The following PPEF1 variants were observed in gnomAD, a reference collection of about 807,000 sequenced individuals.
PPEF1 encodes the protein serine/threonine-protein phosphatase with EF-hands 1.
Under a neutral mutation model 53.3 loss-of-function variants are expected in PPEF1, and 12 were observed. The ratio of observed to expected loss-of-function variants is 0.23; its 90% CI spans 0.14 to 0.36. PPEF1 has a LOEUF of 0.36. Ranked by LOEUF, PPEF1 falls within the 10% of genes least tolerant of loss-of-function variation. The pLI, the probability that PPEF1 is intolerant of heterozygous loss-of-function variation, is 1.00. For synonymous variants in PPEF1, 165 were observed against 176.7 expected (o/e 0.93, Z 0.52); for missense variants, 334 against 490.4 (o/e 0.68, Z 3.01).
In PPEF1 at chrX:18,821,670, C is replaced by A. The variant is rs369490920; in HGVS notation, c.1502-2253C>A. Reference sequence around the variant, plus strand: ...TAGGTGATCCACCTGCCTTGGCCCCCCAAAGTGCTGTGATTACAGGCATGA... The same window carrying A: ...TAGGTGATCCACCTGCCTTGGCCCCACAAAGTGCTGTGATTACAGGCATGA... On this transcript the variant is annotated intron_variant, in intron 13 of 15. Transcript: ENST00000470157. Among the ~76,000 whole-genome samples, 3 of 109,726 alleles carry A rather than the reference C, an allele frequency of 2.7e-5. No homozygotes were observed. The East Asian group carries it at 8.7e-4, about 32-fold the overall frequency.
chrX:18,770,546 C>T (rs2045854124), intron 6 of PPEF1, among the ~76,000 whole-genome samples: 1 of 111,507 alleles, frequency 9.0e-6, no homozygotes, highest in Non-Finnish European at 1.9e-5. Flanking sequence ...TGAAGAAAAT[C>T]TTGAAGATTT....
chrX:18,782,333 C>T, intron 7 of PPEF1, 33 bp from the exon 8 acceptor site: 1 of 1,121,878 alleles, frequency 8.9e-7, no homozygotes, highest in Non-Finnish European at 1.2e-6. Flanking sequence ...GCGTTATCAA[C>T]AATCAAATCA....
chrX:18,826,951 G>A (rs962788451), intron 15 of PPEF1, among the ~76,000 whole-genome samples: 2 of 110,564 alleles, frequency 1.8e-5, no homozygotes, highest in African/African-American at 6.6e-5. Flanking sequence ...CCTCCTCTCT[G>A]CCCTCCTTCC....
chrX:18,718,804 C>T (rs945192765), intron 1 of PPEF1, among the ~76,000 whole-genome samples: 11 of 111,985 alleles, frequency 9.8e-5, no homozygotes, highest in Non-Finnish European at 1.5e-4. Flanking sequence ...CCCTCAGCCC[C>T]AATTGCCAGT....
chrX:18,789,204 T>C lies in PPEF1; in HGVS notation c.996T>C (p.Phe332=). The C allele has an allele frequency of 8.3e-7, 1 of 1,210,667 alleles. No homozygotes were observed. The part of the protein sequence containing the change: ...DSKHNKVGVT[F]NAHGRIKTNG... ...AGCACAATAAAGTAGGTGTGACTTT[T>C]AATGCACATGGAAGAATCAAAACAA... Residue 332 remains phenylalanine, a synonymous_variant, in exon 10 of 16, where the codon TTT becomes TTC. Transcript: ENST00000470157.
upstream of PPEF1, among the ~76,000 whole-genome samples, chrX:18,680,412 A>G (rs1363001219): frequency 1.0e-5 from 1 of 99,890 alleles, no homozygotes; most frequent in East Asian, 3.2e-4. Context: ...TTTTCTCTGC[A>G]GCACTAAATT....
upstream of PPEF1, among the ~76,000 whole-genome samples, chrX:18,681,444 T>G (rs778873878): frequency 1.3e-4 from 14 of 111,801 alleles, no homozygotes; most frequent in Non-Finnish European, 2.4e-4. Context: ...TGAATATGTC[T>G]TGAAAACAAT....
At chrX:18,735,990 T>C (rs947270840) in intron 3 of PPEF1, among the ~76,000 whole-genome samples, 5 of 112,083 alleles carry the variant, frequency 4.5e-5, no homozygotes, top group East Asian at 2.8e-4. Flanking sequence ...TATCCTGAGA[T>C]TTTGCTGAAG....
intron 1 of PPEF1, among the ~76,000 whole-genome samples, chrX:18,722,984 G>A (rs1321908357): frequency 9.3e-6 from 1 of 107,801 alleles, no homozygotes; most frequent in African/African-American, 3.5e-5. Context: ...ACAGTAATTT[G>A]TGAATTTTTT....
chrX:18,675,450 C>T (rs1928638320), upstream of PPEF1, among the ~76,000 whole-genome samples: 2 of 113,643 alleles, frequency 1.8e-5, no homozygotes, highest in East Asian at 2.8e-4. Context: ...GCAAGGAGGA[C>T]GGGCCGCTGG....
intron 12 of PPEF1, among the ~76,000 whole-genome samples, chrX:18,809,352 G>C (rs1030540853): frequency 1.8e-5 from 2 of 109,982 alleles, no homozygotes; most frequent in African/African-American, 6.6e-5. Context: ...TATTGTTTAG[G>C]GAATAATGAC....
intron 7 of PPEF1, among the ~76,000 whole-genome samples, chrX:18,781,091 G>A (rs1438747884): frequency 2.8e-5 from 3 of 107,574 alleles, no homozygotes; most frequent in East Asian, 5.9e-4. Flanking sequence ...AGGGAATCAA[G>A]GATGACCTCC....
upstream of PPEF1, among the ~76,000 whole-genome samples, chrX:18,705,876 T>C (rs373255080): frequency 8.9e-6 from 1 of 112,118 alleles, no homozygotes. Context: ...TATTTTAGTT[T>C]TCCCTTTCTT....
upstream of PPEF1, among the ~76,000 whole-genome samples, chrX:18,682,042 G>A (rs1462758298): frequency 1.8e-5 from 2 of 112,674 alleles, no homozygotes; most frequent in East Asian, 5.6e-4. Context: ...AAGAGGAAAA[G>A]GAGTTTATTA....
At chrX:18,726,752 C>T (rs1269508962) in intron 1 of PPEF1, among the ~76,000 whole-genome samples, 2 of 109,739 alleles carry the variant, frequency 1.8e-5, no homozygotes, top group African/African-American at 3.3e-5. Context: ...ACCTCCGTCT[C>T]CTAGGTTCAA....
intron 5 of PPEF1, among the ~76,000 whole-genome samples, chrX:18,758,931 C>T (rs190662890): frequency 5.3e-4 from 59 of 111,576 alleles, no homozygotes; most frequent in African/African-American, 1.7e-3. Context: ...AGTGTGAGAA[C>T]TGAAGGGTTC....
chrX:18,810,825 G>A (rs181714967), intron 12 of PPEF1, among the ~76,000 whole-genome samples: 7 of 112,088 alleles, frequency 6.2e-5, no homozygotes, highest in Non-Finnish European at 1.3e-4. Flanking sequence ...TATAAACAAT[G>A]GTGTTATGAA....
intron 3 of PPEF1, among the ~76,000 whole-genome samples, chrX:18,734,613 G>C (rs2044925007): frequency 9.0e-6 from 1 of 111,315 alleles, no homozygotes. Context: ...CTTTATAGCA[G>C]CATGATTTAT....
chrX:18,819,325 AG>A (rs2046984274), intron 13 of PPEF1, among the ~76,000 whole-genome samples: 1 of 112,410 alleles, frequency 8.9e-6, no homozygotes. Context: ...TGTTAAAAAA[AG>A]TAAAAGCATA....
Sources: allele counts gnomAD v4.1 joint callset (sites outside exome capture counted in the v4.1 genomes callset), GRCh38; gene constraint gnomAD v4.1.1; transcripts MANE v1.5; gene names NCBI Gene and HGNC (gene_info 2026-07-23, HGNC 2026-07-21).